ZCCHC14: variants seen among roughly 807,000 people sequenced by gnomAD.
The protein encoded by ZCCHC14 is zinc finger CCHC domain-containing protein 14.
In ZCCHC14, 16 loss-of-function variants were observed where a neutral mutation model predicts 85.0. The ratio of observed to expected loss-of-function variants is 0.19; its 90% CI spans 0.13 to 0.29. ZCCHC14 has a LOEUF of 0.29. Ranked by LOEUF, ZCCHC14 falls within the 10% of genes least tolerant of loss-of-function variation. The pLI is 1.00. For synonymous variants in ZCCHC14, 775 were observed against 630.7 expected (o/e 1.23, Z -3.43); for missense variants, 1,303 against 1,443.5 (o/e 0.90, Z 1.58).
chr16:87,462,196 T>C (rs1039090312), intron 1 of ZCCHC14, among the ~76,000 whole-genome samples: 2 of 152,146 alleles, frequency 1.3e-5, no homozygotes, highest in African/African-American at 4.8e-5. Flanking sequence ...TAATAACATG[T>C]TATCAAGAAA....
intron 10 of ZCCHC14, 111 bp from the exon 11 acceptor site, chr16:87,413,306 G>A (rs1908582611): frequency 1.4e-6 from 2 of 1,399,364 alleles, no homozygotes; most frequent in Non-Finnish European, 1.9e-6. Context: ...GGAAACGCAG[G>A]GCTCTGAGAG....
At chr16:87,416,873 G>A (rs890486868) in intron 8 of ZCCHC14, among the ~76,000 whole-genome samples, 2 of 152,144 alleles carry the variant, frequency 1.3e-5, no homozygotes, top group African/African-American at 4.8e-5. Context: ...TAGATTTTTC[G>A]AGAAATGAAA....
intron 3 of ZCCHC14, among the ~76,000 whole-genome samples, chr16:87,428,156 A>G (rs1022489952): frequency 2.6e-5 from 4 of 152,144 alleles, no homozygotes; most frequent in Admixed American, 1.3e-4. Flanking sequence ...AACTCCATAG[A>G]AAAAAAGCTT....
At chr16:87,489,852 C>T (rs113980311) in intron 1 of ZCCHC14, among the ~76,000 whole-genome samples, 1 of 152,174 alleles carries the variant, frequency 6.6e-6, no homozygotes, top group Non-Finnish European at 1.5e-5. Flanking sequence ...GTGAGGCACC[C>T]GTGCTCACAC....
At chr16:87,458,460 T>A (rs1295186896) in intron 2 of ZCCHC14, among the ~76,000 whole-genome samples, 2 of 152,156 alleles carry the variant, frequency 1.3e-5, no homozygotes. Context: ...CTCAGGGGGT[T>A]GCTACGAGGG....
In ZCCHC14 at chr16:87,423,895, A is replaced by G. The variant is rs755441765; in HGVS notation, c.769-14T>C. ...AGACCACAAGACCTTAAAAACAAAC[A>G]AACAAACAAACCTTAGAAACAGACA... On this transcript the variant is annotated splice_polypyrimidine_tract_variant and intron_variant, in intron 3 of 12. Coordinates refer to ENST00000671377, the MANE Select transcript of ZCCHC14 (RefSeq NM_015144.3). The G allele has an allele frequency of 1.2e-6, 2 of 1,613,526 alleles. No homozygotes were observed. The highest frequency in any genetic ancestry group is 1.7e-6 in the Non-Finnish European group (2 of 1,179,716).
intron 1 of ZCCHC14, among the ~76,000 whole-genome samples, chr16:87,476,996 G>A (rs1348895307): frequency 4.0e-5 from 6 of 151,578 alleles, no homozygotes; most frequent in Admixed American, 1.3e-4. Flanking sequence ...ATGGTGGTGC[G>A]TGCCTGTAAT....
intron 2 of ZCCHC14, among the ~76,000 whole-genome samples, chr16:87,453,887 T>G (rs532066824): frequency 6.6e-6 from 1 of 152,328 alleles, no homozygotes; most frequent in South Asian, 2.1e-4. Context: ...AAGCAGCTAT[T>G]ATAATGACAT....
chr16:87,486,607 C>G (rs1009837147), intron 1 of ZCCHC14, among the ~76,000 whole-genome samples: 1 of 152,182 alleles, frequency 6.6e-6, no homozygotes, highest in Non-Finnish European at 1.5e-5. Flanking sequence ...GTATCATGTA[C>G]TGTACTTTAC....
intron 2 of ZCCHC14, among the ~76,000 whole-genome samples, chr16:87,453,393 A>T (rs1235846962): frequency 6.6e-6 from 1 of 152,276 alleles, no homozygotes; most frequent in Non-Finnish European, 1.5e-5. Context: ...AAGGCCGCAG[A>T]ACATGGGAGG....
At chr16:87,470,404 A>G (rs1243371784) in intron 1 of ZCCHC14, 2 of 151,826 alleles carry the variant, frequency 1.3e-5, no homozygotes, top group Non-Finnish European at 2.9e-5. Flanking sequence ...TACTTGGACT[A>G]CAGTTAAAAT....
intron 10 of ZCCHC14, among the ~76,000 whole-genome samples, chr16:87,413,554 TA>T (rs1908601268): frequency 6.6e-6 from 1 of 150,838 alleles, no homozygotes; most frequent in Admixed American, 6.6e-5. Flanking sequence ...AATCACCACT[TA>T]AAATCCATCC....
At chr16:87,464,675 C>T (rs1394394115) in intron 1 of ZCCHC14, among the ~76,000 whole-genome samples, 1 of 152,208 alleles carries the variant, frequency 6.6e-6, no homozygotes, top group Non-Finnish European at 1.5e-5. Context: ...CGTATATTTT[C>T]CCAAGGAATT....
chr16:87,420,748 T>C lies in ZCCHC14; in HGVS notation c.841-32A>G, dbSNP rs774668690. On this transcript the variant is annotated intron_variant, in intron 4 of 12. Transcript: ENST00000671377. This position sits in a 1 kb window ranked among gnomAD's most constrained non-coding sequence, Gnocchi z 5.0. ...GAGAGGACAAGGTAGAGGAGGTGTGTCCAGACCCATCCAACACCAGCAGAA... is the reference window on the plus strand; with the variant it reads ...GAGAGGACAAGGTAGAGGAGGTGTGCCCAGACCCATCCAACACCAGCAGAA... The C allele has an allele frequency of 6.4e-7, 1 of 1,553,844 alleles. No homozygotes were observed. Among genetic ancestry groups the C allele is most frequent in the Non-Finnish European group, 8.7e-7 (1 of 1,143,438 alleles).
intron 1 of ZCCHC14, among the ~76,000 whole-genome samples, chr16:87,485,658 G>T (rs971824176): frequency 6.6e-6 from 1 of 151,606 alleles, no homozygotes; most frequent in African/African-American, 2.4e-5. Flanking sequence ...GGGGGCGGGG[G>T]AGAATACTAA....
At position 87,460,856 on chromosome 16, in the gene ZCCHC14, C is replaced by T. The variant is rs1051951564; in HGVS notation, c.571-725G>A. 6.6e-5 allele frequency among the ~76,000 whole-genome samples: 10 copies of T among 152,230 alleles called. No homozygotes were observed. The East Asian group carries it at 1.7e-3, about 26-fold the overall frequency. On this transcript the variant is annotated intron_variant, in intron 1 of 12. Transcript: ENST00000671377. ...TCTATAAATCTTAAATCATAAAATG[C>T]TTTAAAAACAACAGCAAAGAACAGA...
rs1908566463 is a variant in ZCCHC14, at chr16:87,413,094, G to A, written c.1705C>T (p.Arg569Trp). The A allele has an allele frequency of 2.5e-6, 4 of 1,613,950 alleles. No homozygotes were observed. The highest frequency in any genetic ancestry group is 3.4e-6 in the Non-Finnish European group (4 of 1,180,022). The part of the protein sequence containing the change: ...SSSSPMGVQA[R>W]EESSDSAEEN... ...TCAGCGCTGTCGGAGCTCTCTTCCC[G>A]GGCCTGTACCCCCATGGGGCTGGAG... The change falls in exon 11 of 13, where the codon CGG becomes TGG. Residue 569 changes from arginine to tryptophan, a missense_variant. Arg to Trp is a moderately radical substitution (Grantham distance 101). Transcript: ENST00000671377.
chr16:87,456,965 T>C (rs888758933), intron 2 of ZCCHC14, among the ~76,000 whole-genome samples: 3 of 152,234 alleles, frequency 2.0e-5, no homozygotes, highest in Admixed American at 6.5e-5. Flanking sequence ...AGAACTTACT[T>C]TGTTGAGAGT....
At chr16:87,484,558 T>C (rs1046138675) in intron 1 of ZCCHC14, among the ~76,000 whole-genome samples, 6 of 152,186 alleles carry the variant, frequency 3.9e-5, no homozygotes, top group African/African-American at 1.4e-4. Context: ...TAAGCGTGTA[T>C]ATGGTGTCTT....
Sources: gnomAD v4.1 joint callset for allele counts (sites outside exome capture counted in the v4.1 genomes callset) on GRCh38, gnomAD v4.1.1 for gene constraint, Gnocchi (gnomAD v3.1) non-coding constraint, MANE v1.5 for transcripts, NCBI Gene and HGNC (gene_info 2026-07-23, HGNC 2026-07-21) for gene names.